BBIP1: variants seen among roughly 807,000 people sequenced by gnomAD.
The protein encoded by BBIP1 is BBSome interacting protein 1.
In BBIP1, 6 loss-of-function variants were observed where a neutral mutation model predicts 8.9. The ratio of observed to expected loss-of-function variants is 0.67; its 90% CI spans 0.37 to 1.33. The LOEUF (loss-of-function observed/expected upper bound fraction) is 1.33, where lower values mean the gene tolerates loss of function less well. BBIP1 is among the 40% of genes most tolerant of loss of function. The probability of loss-of-function intolerance (pLI) is 0.02; values close to 1 mark genes in which losing one functional copy is unlikely to be tolerated. For synonymous variants in BBIP1, 32 were observed against 33.4 expected (o/e 0.96, Z 0.14); for missense variants, 111 against 109.2 (o/e 1.02, Z -0.07).
Position 110,900,510 on chromosome 10 carries a change from T to G in BBIP1, c.129A>C (p.Glu43Asp). 1 of 1,529,776 alleles carries G rather than the reference T, an allele frequency of 6.5e-7. No individual in the cohort carries two copies. The highest frequency in any genetic ancestry group is 8.7e-7 in the Non-Finnish European group (1 of 1,144,350). The allele number at this position is 1,529,776 out of a possible 1,614,324, so 94.8% of individuals were successfully genotyped here. ...VLPKQGPLFV[E>D]DIMTMVLCKP... ...TACACAGCACCATTGTCATTATATC[T>G]TCCACAAACAGTGGCCCTAAGTTTA... is the stretch of plus-strand genomic sequence containing the variant. The change falls in exon 4 of 4, where the codon GAA becomes GAC. Residue 43 changes from glutamate to aspartate, a missense_variant. Glu to Asp is a conservative substitution (Grantham distance 45, BLOSUM62 2). Transcript: ENST00000448814.
At position 110,917,800 on chromosome 10, in the gene BBIP1, T is replaced by C. The variant is rs185823284; in HGVS notation, c.37+321A>G. Among the ~76,000 whole-genome samples, 3 of 148,950 alleles carry C rather than the reference T, an allele frequency of 2.0e-5. No individual in the cohort carries two copies. The East Asian group carries it at 5.9e-4, about 29-fold the overall frequency. ...AAACCATTCTATTTAGGTGCAGACATGGTAGTGAAGCTAAAAACATAAGCG... is the reference window on the plus strand; with the variant it reads ...AAACCATTCTATTTAGGTGCAGACACGGTAGTGAAGCTAAAAACATAAGCG... On this transcript the variant is annotated intron_variant, in intron 2 of 3. Coordinates refer to ENST00000448814, the MANE Select transcript of BBIP1 (RefSeq NM_001195305.3).
rs753077540 is a variant in BBIP1, at chr10:110,907,757, T to C, written c.38-6145A>G. The C allele has an allele frequency of 7.7e-5, 54 of 702,506 alleles. No individual in the cohort carries two copies. Among genetic ancestry groups the C allele is most frequent in the South Asian group, 2.4e-4 (16 of 67,494 alleles). The allele number at this position is 702,506 out of a possible 1,614,324, so 43.5% of individuals were successfully genotyped here. ...CAAATCCTGGTATAAAGGATGGTGA[T>C]TGATACAATAACCACGTTGTTCTTT... On this transcript the variant is annotated intron_variant, in intron 2 of 3. Coordinates refer to ENST00000448814, the MANE Select transcript of BBIP1 (RefSeq NM_001195305.3).
intron 2 of BBIP1, chr10:110,906,329 A>G (rs890131947): frequency 6.6e-6 from 1 of 152,084 alleles, no homozygotes; most frequent in Non-Finnish European, 1.5e-5. Context: ...TTTAATGATC[A>G]TCCTATCATA....
rs144280992 is a variant in BBIP1, at chr10:110,916,643, T to C, written c.37+1478A>G. On this transcript the variant is annotated intron_variant, in intron 2 of 3. Transcript: ENST00000448814. ...GTATTTGCTTTGATAACATCAAGAT[T>C]CATCTGTATTTGAATTGCAGGGCCC... Among the ~76,000 whole-genome samples, 400 of 152,324 alleles carry C rather than the reference T, an allele frequency of 2.6e-3. 1 individual carries two copies. Among genetic ancestry groups the C allele is most frequent in the Non-Finnish European group, 5.0e-3 (343 of 68,018 alleles).
chr10:110,908,631 G>T (rs1398250391), intron 2 of BBIP1, among the ~76,000 whole-genome samples: 1 of 152,110 alleles, frequency 6.6e-6, no homozygotes, highest in Non-Finnish European at 1.5e-5. Flanking sequence ...ATACTTAGAA[G>T]TATTTGTAAA....
At chr10:110,904,028 C>T (rs777661296) in intron 2 of BBIP1, 10 of 152,182 alleles carry the variant, frequency 6.6e-5, no homozygotes, top group Non-Finnish European at 1.2e-4. Flanking sequence ...GGTATACAGA[C>T]AGTATTTCCT....
Position 110,900,042 on chromosome 10 carries a change from T to C in BBIP1, c.*318A>G. On this transcript the variant is annotated 3_prime_UTR_variant, in exon 4 of 4. Transcript: ENST00000448814. ...GTATTTAATCCCTTGTGCCCAAGAA[T>C]GCTATAAAAGATCCCAAGAATGTTA... is the stretch of plus-strand genomic sequence containing the variant. 1 of 218,190 alleles carries C rather than the reference T, an allele frequency of 4.6e-6. No homozygotes were observed. Among genetic ancestry groups the C allele is most frequent in the Non-Finnish European group, 8.9e-6 (1 of 112,246 alleles). 13.5% of individuals were successfully genotyped at this position (218,190 alleles called of 1,614,324 possible). A position where few individuals can be genotyped will look rare whatever the true frequency, so the allele number is the denominator to read the frequency against.
intron 2 of BBIP1, among the ~76,000 whole-genome samples, chr10:110,917,538 T>G (rs1004796735): frequency 6.6e-6 from 1 of 152,136 alleles, no homozygotes; most frequent in Non-Finnish European, 1.5e-5. Flanking sequence ...TATGAACACT[T>G]TCATAATAAA....
At chr10:110,914,978 A>T (rs1487926481) in intron 2 of BBIP1, among the ~76,000 whole-genome samples, 2 of 152,168 alleles carry the variant, frequency 1.3e-5, no homozygotes, top group African/African-American at 4.8e-5. Flanking sequence ...AGCACCTGAG[A>T]TATTTAGTTA....
At chr10:110,911,208 AATAAGCTTATTAACATGT>A (rs1846267919) in intron 2 of BBIP1, 2 of 152,354 alleles carry the variant, frequency 1.3e-5, no homozygotes, top group African/African-American at 2.4e-5. Context: ...TTTCAGAAAA[AATAAGCTTATTAACATGT>A]ATTAGTTATA....
At chr10:110,907,072 A>G (rs1846161977) in intron 2 of BBIP1, 1 of 152,244 alleles carries the variant, frequency 6.6e-6, no homozygotes, top group Non-Finnish European at 1.5e-5. Flanking sequence ...CTTACTTAAT[A>G]ATTAGCGAAG....
intron 2 of BBIP1, among the ~76,000 whole-genome samples, chr10:110,914,612 G>A (rs551643352): frequency 1.3e-5 from 2 of 152,160 alleles, no homozygotes; most frequent in Non-Finnish European, 2.9e-5. Flanking sequence ...GACATCATAT[G>A]TCATATGTCG....
At position 110,900,219 on chromosome 10, in the gene BBIP1, A is replaced by G. The variant is rs1418033110; in HGVS notation, c.*141T>C. The stretch of plus-strand genomic sequence containing the variant: ...TACATTCACAATACAAATTTCATCA[A>G]TCTTGGATATTTTTGTATTTCTATG... On this transcript the variant is annotated 3_prime_UTR_variant, in exon 4 of 4. Transcript: ENST00000448814. 3.4e-5 allele frequency: 29 copies of G among 848,740 alleles called. No homozygotes were observed. The highest frequency in any genetic ancestry group is 8.5e-6 in the Non-Finnish European group (5 of 585,874). The allele number at this position is 848,740 out of a possible 1,614,324, so 52.6% of individuals were successfully genotyped here. A position where few individuals can be genotyped will look rare whatever the true frequency, so the allele number is the denominator to read the frequency against.
At chr10:110,917,557 G>A (rs1482567966) in intron 2 of BBIP1, among the ~76,000 whole-genome samples, 1 of 152,012 alleles carries the variant, frequency 6.6e-6, no homozygotes, top group Non-Finnish European at 1.5e-5. Context: ...AAACACTGGG[G>A]AAAAAAATCA....
Position 110,900,487 on chromosome 10 carries a change from C to T in BBIP1, c.152G>A (p.Cys51Tyr). 1 of 1,535,658 alleles carries T rather than the reference C, an allele frequency of 6.5e-7. No individual in the cohort carries two copies. The highest frequency in any genetic ancestry group is 1.7e-4 in the Middle Eastern group (1 of 5,984). ...TTTTAAGGGTAAAAGTTTGGGTTTACACAGCACCATTGTCATTATATCTTC... is the reference window on the plus strand; with the variant it reads ...TTTTAAGGGTAAAAGTTTGGGTTTATACAGCACCATTGTCATTATATCTTC... The part of the protein sequence containing the change: ...FVEDIMTMVL[C>Y]KPKLLPLKSL... Residue 51 changes from cysteine to tyrosine, a missense_variant, in exon 4 of 4, where the codon TGT (cysteine) becomes TAT (tyrosine). Coordinates refer to ENST00000448814, the MANE Select transcript of BBIP1 (RefSeq NM_001195305.3).
At chr10:110,907,717 A>G in intron 2 of BBIP1, 1 of 700,728 alleles carries the variant, frequency 1.4e-6, no homozygotes, top group Non-Finnish European at 2.6e-6. Context: ...GTCTTCAGGC[A>G]TCTTGAAGGA....
At chr10:110,910,036 C>CTT (rs1846238309) in intron 2 of BBIP1, among the ~76,000 whole-genome samples, 2 of 152,118 alleles carry the variant, frequency 1.3e-5, no homozygotes, top group African/African-American at 4.8e-5. Context: ...ATACAATGTA[C>CTT]TTTAATAAAA....
intron 2 of BBIP1, among the ~76,000 whole-genome samples, chr10:110,905,863 AAACAT>A (rs1220897139): frequency 2.6e-5 from 4 of 152,204 alleles, no homozygotes; most frequent in Non-Finnish European, 4.4e-5. Flanking sequence ...AATATAATCT[AAACAT>A]AACAGCAATT....
Position 110,909,204 on chromosome 10 carries a change from C to CT in BBIP1, c.38-7593dup, listed in dbSNP as rs1201996103. On this transcript the variant is annotated intron_variant, in intron 2 of 3. Coordinates refer to ENST00000448814, the MANE Select transcript of BBIP1 (RefSeq NM_001195305.3). ...ATAATTTTGTTATGAAAAAGTTGGCCTTTTTTTTTTTTGAGACGGAGTCTT... is the reference window on the plus strand; with the variant it reads ...ATAATTTTGTTATGAAAAAGTTGGCCTTTTTTTTTTTTTGAGACGGAGTCTT... 3.5e-3 allele frequency among the ~76,000 whole-genome samples: 261 copies of CT among 75,646 alleles called. 2 individuals are homozygous for CT. Among genetic ancestry groups the CT allele is most frequent in the Non-Finnish European group, 6.9e-3 (165 of 23,966 alleles). The allele number at this position is 75,646 out of a possible 152,430, so 49.6% of individuals were successfully genotyped here.
Sources: allele counts gnomAD v4.1 joint callset (sites outside exome capture counted in the v4.1 genomes callset), GRCh38; gene constraint gnomAD v4.1.1; transcripts MANE v1.5; gene names NCBI Gene and HGNC (gene_info 2026-07-23, HGNC 2026-07-21).